WDR3: variants seen among roughly 807,000 people sequenced by gnomAD.
The protein encoded by WDR3 is WD repeat domain 3.
A neutral mutation model predicts 123.7 loss-of-function variants in WDR3; 81 were observed. The observed-to-expected ratio is 0.65, with a 90% confidence interval of 0.55 to 0.79. WDR3 has a LOEUF of 0.79. Ranked by LOEUF, WDR3 falls within the 30% of genes least tolerant of loss-of-function variation. The pLI is 0.00. For synonymous variants in WDR3, 390 were observed against 388.8 expected (o/e 1.00, Z -0.04); for missense variants, 1,027 against 1,123.2 (o/e 0.91, Z 1.22).
intron 22 of WDR3, 45 bp downstream of exon 22, chr1:117,954,144 C>A (rs1222078233): frequency 6.6e-6 from 10 of 1,511,338 alleles, no homozygotes; most frequent in South Asian, 1.2e-5. Flanking sequence ...AAAGGGAATT[C>A]CCAAGGAGAA....
rs768211246 is a variant in WDR3 at position 117,959,343 on chromosome 1, G to A, written c.2728G>A (p.Glu910Lys). The change falls in exon 27 of 27, where the codon GAG becomes AAG. Residue 910 changes from glutamate (E) to lysine (K), a missense_variant. Glu to Lys is a moderately conservative substitution (Grantham distance 56). Transcript: ENST00000349139. ...AGLDYLKREC[E>K]AKSEVMFFAD... ...TCTTGATTATCTCAAGAGGGAATGC[G>A]AGGCAAAAAGTGAAGTTATGTTTTT... 8.3e-5 allele frequency: 134 copies of A among 1,613,626 alleles called. No individual in the cohort carries two copies. The highest frequency in any genetic ancestry group is 1.5e-4 in the Admixed American group (9 of 59,976).
intron 12 of WDR3, 135 bp downstream of exon 12, chr1:117,946,314 C>T: frequency 1.7e-6 from 1 of 573,326 alleles, no homozygotes; most frequent in Admixed American, 3.7e-5. Flanking sequence ...TAGTTTATTA[C>T]ATATTTTGTT....
At position 117,934,507 on chromosome 1, in the gene WDR3, C is replaced by G. The variant is rs746258069; in HGVS notation, c.206C>G (p.Thr69Ser). The change falls in exon 3 of 27, where the codon ACT (threonine) becomes AGT (serine). Residue 69 changes from threonine to serine, a missense_variant. Thr to Ser is a moderately conservative substitution (Grantham distance 58). Coordinates refer to ENST00000349139, the MANE Select transcript of WDR3 (RefSeq NM_006784.3). Reference protein sequence around the residue: ...LILQGLKQEVTCLCPSPDGLH... With the variant: ...LILQGLKQEVSCLCPSPDGLH... ...CTTCAGGGGCTTAAACAAGAAGTTA[C>G]TTGCTTATGCCCCTCCCCAGATGGG... 4.3e-6 allele frequency: 7 copies of G among 1,614,000 alleles called. No individual in the cohort carries two copies. Among genetic ancestry groups the G allele is most frequent in the Admixed American group, 1.7e-5 (1 of 60,006 alleles).
intron 12 of WDR3, 139 bp from the exon 13 acceptor site, chr1:117,948,266 G>A: frequency 1.5e-6 from 1 of 661,608 alleles, no homozygotes; most frequent in Non-Finnish European, 2.7e-6. Flanking sequence ...TACAGAACAT[G>A]GAATGTGGGA....
chr1:117,933,623 C>T (rs1293022918), intron 2 of WDR3, 133 bp downstream of exon 2: 1 of 1,186,078 alleles, frequency 8.4e-7, no homozygotes, highest in South Asian at 1.3e-5. Flanking sequence ...AAATCTTTTT[C>T]CTTTAGGTCT....
Position 117,949,709 on chromosome 1 carries a change from A to G in WDR3, c.1525-42A>G, listed in dbSNP as rs143278203. 781 of 1,593,612 alleles carry G rather than the reference A, an allele frequency of 4.9e-4. 1 individual carries two copies. In the African/African-American group the frequency reaches 9.9e-3, roughly 20 times the overall value. ...AATGTATCTTCATAGCAAAGTTTTT[A>G]TGCTAAAATAGTTTTTAATTGAAAT... On this transcript the variant is annotated intron_variant, in intron 13 of 26. Transcript: ENST00000349139.
intron 11 of WDR3, among the ~76,000 whole-genome samples, chr1:117,944,847 G>A (rs1006944426): frequency 6.6e-6 from 1 of 151,932 alleles, no homozygotes. Context: ...GATTACAGGC[G>A]TGTGCCACCA....
At position 117,943,423 on chromosome 1, in the gene WDR3, C is replaced by T. The variant is rs548248370; in HGVS notation, c.1125C>T (p.His375=). 138 of 1,613,940 alleles carry T rather than the reference C, an allele frequency of 8.6e-5. No individual in the cohort carries two copies. The highest frequency in any genetic ancestry group is 1.1e-4 in the Non-Finnish European group (126 of 1,179,994). The part of the protein sequence containing the change: ...IKSFDLIHSP[H]GELKAVFLLQ... ...CCTTTGACTTGATTCATTCACCTCA[C>T]GGAGAGTTAAAGGCTGTCTTCCTGC... Residue 375 remains histidine, a synonymous_variant, in exon 11 of 27, where the codon CAC becomes CAT. Coordinates refer to ENST00000349139, the MANE Select transcript of WDR3 (RefSeq NM_006784.3).
At chr1:117,941,018 C>T in intron 7 of WDR3, 78 bp downstream of exon 7, 2 of 1,567,024 alleles carry the variant, frequency 1.3e-6, no homozygotes, top group South Asian at 2.3e-5. Context: ...AGGGAATCAT[C>T]ACTTTAGGGA....
At chr1:117,954,437 A>G (rs1651863181) in intron 22 of WDR3, 143 bp from the exon 23 acceptor site, 5 of 753,334 alleles carry the variant, frequency 6.6e-6, no homozygotes, top group Non-Finnish European at 1.1e-5. Context: ...AACAGGTTTG[A>G]TAATTCTTTT....
In WDR3 at chr1:117,965,327, C is replaced by T. The variant is rs1302746416; in HGVS notation, c.*5880C>T. On this transcript the variant is annotated 3_prime_UTR_variant, in exon 27 of 27. Coordinates refer to ENST00000349139, the MANE Select transcript of WDR3 (RefSeq NM_006784.3). ...TTTGTCTCCACTGGCTCTTCTTCCT[C>T]CTGCTCCCTAAACCGACTCCAGATT... 1 of 152,238 alleles carries T rather than the reference C, an allele frequency of 6.6e-6. No homozygotes were observed. Among genetic ancestry groups the T allele is most frequent in the Non-Finnish European group, 1.5e-5 (1 of 68,060 alleles). 9.4% of individuals were successfully genotyped at this position (152,238 alleles called of 1,614,324 possible). A position where few individuals can be genotyped will look rare whatever the true frequency, so the allele number is the denominator to read the frequency against.
chr1:117,934,147 A>G (rs1650833697), intron 2 of WDR3, among the ~76,000 whole-genome samples: 1 of 152,256 alleles, frequency 6.6e-6, no homozygotes, highest in African/African-American at 2.4e-5. Flanking sequence ...ACCTTTATTG[A>G]AAATCACGTA....
At chr1:117,953,021 G>A in intron 20 of WDR3, 25 bp downstream of exon 20, 10 of 1,610,964 alleles carry the variant, frequency 6.2e-6, no homozygotes, top group Non-Finnish European at 7.6e-6. Context: ...GGGACCTTGA[G>A]ATTATGCCCC....
rs773144364 is a variant in WDR3, at chr1:117,933,338, T to C, written c.19T>C (p.Tyr7His). The C allele has an allele frequency of 7.4e-6, 12 of 1,614,100 alleles. No homozygotes were observed. Among genetic ancestry groups the C allele is most frequent in the Non-Finnish European group, 7.6e-6 (9 of 1,180,034 alleles). MGLTKQYLRYVASAVFG... is the reference protein window; with the variant it reads MGLTKQHLRYVASAVFG... ...TCACAACATGGGGCTCACCAAGCAG[T>C]ACCTACGCTATGTTGCTAGTGCGGT... The change falls in exon 2 of 27, where the codon TAC becomes CAC. Residue 7 changes from tyrosine to histidine, a missense_variant. Coordinates refer to ENST00000349139, the MANE Select transcript of WDR3 (RefSeq NM_006784.3).
Position 117,951,928 on chromosome 1 carries a change from A to G in WDR3, c.1804-48A>G, listed in dbSNP as rs911007427. The G allele has an allele frequency of 1.8e-5, 28 of 1,530,038 alleles. No individual in the cohort carries two copies. In the East Asian group the frequency reaches 2.9e-4, roughly 16 times the overall value. 94.8% of individuals were successfully genotyped at this position (1,530,038 alleles called of 1,614,324 possible). On this transcript the variant is annotated intron_variant, in intron 16 of 26. Transcript: ENST00000349139. ...ATATTCTGGTTAGCTTTTTATTCAT[A>G]TACGGAATTCAAAAATCAAGGTAGT...
chr1:117,959,156 AAC>A (rs1416238562), intron 26 of WDR3, 134 bp from the exon 27 acceptor site: 1 of 1,357,386 alleles, frequency 7.4e-7, no homozygotes, highest in East Asian at 2.4e-5. Flanking sequence ...GAATAGAAAA[AAC>A]AAACAAGAAA....
At position 117,959,539 on chromosome 1, in the gene WDR3, C is replaced by A; in HGVS notation, c.*92C>A. ...AAGAGTTGGCGTCATCTTAAAAATA[C>A]CAAATAACAGAAGATCGCATTGCAG... is the stretch of plus-strand genomic sequence containing the variant. On this transcript the variant is annotated 3_prime_UTR_variant, in exon 27 of 27. Transcript: ENST00000349139. 1 of 1,315,976 alleles carries A rather than the reference C, an allele frequency of 7.6e-7. No homozygotes were observed. The allele number at this position is 1,315,976 out of a possible 1,614,324, so 81.5% of individuals were successfully genotyped here. A position where few individuals can be genotyped will look rare whatever the true frequency, so the allele number is the denominator to read the frequency against.
At chr1:117,943,325 T>TG in intron 10 of WDR3, 71 bp from the exon 11 acceptor site, 10 of 1,338,708 alleles carry the variant, frequency 7.5e-6, no homozygotes. Context: ...TTGTAAAGCC[T>TG]TTTCCTGGAA....
intron 1 of WDR3, among the ~76,000 whole-genome samples, chr1:117,932,938 T>C (rs943486771): frequency 6.6e-6 from 1 of 151,382 alleles, no homozygotes; most frequent in Non-Finnish European, 1.5e-5. Flanking sequence ...CTAACACCTG[T>C]AATCCCAGCA....
Sources: allele counts gnomAD v4.1 joint callset (sites outside exome capture counted in the v4.1 genomes callset), GRCh38; gene constraint gnomAD v4.1.1; transcripts MANE v1.5; gene names NCBI Gene and HGNC (gene_info 2026-07-23, HGNC 2026-07-21).